The following RPH3A variants were observed in gnomAD, a reference collection of about 807,000 sequenced individuals.
RPH3A encodes the protein rabphilin 3A.
Under a neutral mutation model 102.2 loss-of-function variants are expected in RPH3A, and 48 were observed. The observed-to-expected ratio is 0.47, with a 90% CI of 0.37 to 0.60. The LOEUF is 0.60. Ranked by LOEUF, RPH3A falls within the 20% of genes least tolerant of loss-of-function variation. RPH3A has a pLI of 0.00. For missense variants in RPH3A, 781 were observed against 910.1 expected (o/e 0.86, Z 1.83); for synonymous variants, 310 against 324.3 (o/e 0.96, Z 0.47).
At chr12:112,676,194 C>G (rs1333873299) in intron 1 of RPH3A, among the ~76,000 whole-genome samples, 1 of 152,020 alleles carries the variant, frequency 6.6e-6, no homozygotes, top group Non-Finnish European at 1.5e-5. Flanking sequence ...CAAAGGAGCC[C>G]AGGCAACACC....
At chr12:112,862,241 C>T (rs1424091566) in intron 5 of RPH3A, among the ~76,000 whole-genome samples, 1 of 148,926 alleles carries the variant, frequency 6.7e-6, no homozygotes, top group Non-Finnish European at 1.5e-5. Flanking sequence ...CTCAGTCCCC[C>T]CCCCAAAAAA....
intron 1 of RPH3A, among the ~76,000 whole-genome samples, chr12:112,674,159 G>A (rs972243682): frequency 2.6e-5 from 4 of 152,194 alleles, no homozygotes; most frequent in Admixed American, 1.3e-4. Context: ...CTGGTCACAA[G>A]CAATGCTCCT....
intron 1 of RPH3A, among the ~76,000 whole-genome samples, chr12:112,693,159 T>A (rs546683430): frequency 6.6e-6 from 1 of 152,360 alleles, no homozygotes; most frequent in South Asian, 2.1e-4. Flanking sequence ...TGTCCAGGGA[T>A]CAGCATTTGA....
intron 10 of RPH3A, among the ~76,000 whole-genome samples, chr12:112,872,842 C>T (rs1055082575): frequency 4.6e-5 from 7 of 152,114 alleles, no homozygotes; most frequent in Non-Finnish European, 7.3e-5. Context: ...TGTAAATATT[C>T]GTCTTGTCTA....
chr12:112,696,980 G>T (rs1480187151), intron 1 of RPH3A, among the ~76,000 whole-genome samples: 2 of 151,506 alleles, frequency 1.3e-5, no homozygotes, highest in Non-Finnish European at 2.9e-5. Context: ...TACTATTTAA[G>T]ATTTTTAAAA....
rs146642872 is a variant in RPH3A at position 112,738,040 on chromosome 12, C to A, written c.-139-54103C>A. Among the ~76,000 whole-genome samples the A allele has an allele frequency of 1.8e-3, 269 of 152,272 alleles. 1 individual carries two copies. Among genetic ancestry groups the A allele is most frequent in the African/African-American group, 5.7e-3 (238 of 41,566 alleles). On this transcript the variant is annotated intron_variant, in intron 1 of 21. Transcript: ENST00000543106. ...CCTCTGAGACTTTGGAGAAGTCCTT[C>A]CTGGTTTCTTTCAGCTTCTTTTGGT...
intron 2 of RPH3A, 31 bp from the exon 3 acceptor site, chr12:112,828,270 G>T (rs2041913073): frequency 2.1e-6 from 3 of 1,460,362 alleles, no homozygotes; most frequent in East Asian, 2.3e-5. Context: ...GAATGATGGG[G>T]TGATGTCCTC....
intron 1 of RPH3A, among the ~76,000 whole-genome samples, chr12:112,722,159 T>C (rs896212326): frequency 2.6e-5 from 4 of 152,236 alleles, no homozygotes; most frequent in African/African-American, 9.6e-5. Context: ...GGAGAGCTTT[T>C]GCTCATTAGG....
At chr12:112,656,561 C>G (rs2040012796) in intron 1 of RPH3A, among the ~76,000 whole-genome samples, 1 of 152,120 alleles carries the variant, frequency 6.6e-6, no homozygotes, top group African/African-American at 2.4e-5. Context: ...TTTCAATACT[C>G]AATCCCTTCC....
At chr12:112,673,997 G>A (rs543864327) in intron 1 of RPH3A, among the ~76,000 whole-genome samples, 1 of 152,156 alleles carries the variant, frequency 6.6e-6, no homozygotes. Context: ...GGTTTCAAGC[G>A]ATCCTCCCAC....
At chr12:112,692,414 T>C (rs552363609) in intron 1 of RPH3A, among the ~76,000 whole-genome samples, 29 of 152,344 alleles carry the variant, frequency 1.9e-4, no homozygotes, top group Admixed American at 9.1e-4. Context: ...ATCAGCATTA[T>C]ATATCCCGTA....
chr12:112,628,728 C>A (rs894568330), intron 1 of RPH3A, among the ~76,000 whole-genome samples: 11 of 151,408 alleles, frequency 7.3e-5, no homozygotes, highest in Non-Finnish European at 1.6e-4. Flanking sequence ...CAGAGTGAGA[C>A]CCCATCTCTG....
chr12:112,712,981 TTCGTCGTCTTTG>T (rs1565857023), intron 1 of RPH3A, among the ~76,000 whole-genome samples: 1 of 112,838 alleles, frequency 8.9e-6, no homozygotes, highest in African/African-American at 2.9e-5. Context: ...TTCTTTCTTC[TTCGTCGTCTTTG>T]TCTTCCTCTT....
chr12:112,677,425 CCTTCCTTCCTTCCTTCCTTCCTTCCT>C (rs1566254490), intron 1 of RPH3A, among the ~76,000 whole-genome samples: 8 of 85,440 alleles, frequency 9.4e-5, no homozygotes, highest in Admixed American at 3.7e-4. Flanking sequence ...CTCCTTCCTT[CCTTCCTTCCTTCCTTCCTTCCTTCCT>C]TCCTTCCTTC....
rs35742758 is a variant in RPH3A, at chr12:112,752,594, CTT to C, written c.-139-39533_-139-39532del. Among the ~76,000 whole-genome samples the C allele has an allele frequency of 8.3e-3, 1,031 of 124,924 alleles. 8 individuals carry two copies. Among genetic ancestry groups the C allele is most frequent in the East Asian group, 0.023 (100 of 4,368 alleles). The allele number at this position is 124,924 out of a possible 152,430, so 82.0% of individuals were successfully genotyped here. A position where few individuals can be genotyped will look rare whatever the true frequency, so the allele number is the denominator to read the frequency against. ...TATTACGTTATATGAGCAGGCAAGT[CTT>C]TTTTTTTTTTTTTTTGAGAAGGCAA... On this transcript the variant is annotated intron_variant, in intron 1 of 21. Transcript: ENST00000543106.
chr12:112,893,798 A>C (rs1318627763), intron 19 of RPH3A: 1 of 152,280 alleles, frequency 6.6e-6, no homozygotes, highest in African/African-American at 2.4e-5. Flanking sequence ...TAAAGTGCAG[A>C]GATTACAGGC....
chr12:112,890,444 G>A (rs1484123413), intron 18 of RPH3A, among the ~76,000 whole-genome samples: 1 of 152,192 alleles, frequency 6.6e-6, no homozygotes, highest in African/African-American at 2.4e-5. Context: ...CTGTCTGCCT[G>A]GGTCCCTCAT....
At chr12:112,717,523 A>G (rs1020092556) in intron 1 of RPH3A, among the ~76,000 whole-genome samples, 1 of 151,870 alleles carries the variant, frequency 6.6e-6, no homozygotes, top group Non-Finnish European at 1.5e-5. Flanking sequence ...GGCTTCTTTC[A>G]TTTTGCATAA....
chr12:112,720,161 C>T (rs1390068464), intron 1 of RPH3A, among the ~76,000 whole-genome samples: 1 of 152,150 alleles, frequency 6.6e-6, no homozygotes, highest in Non-Finnish European at 1.5e-5. Flanking sequence ...GCAGTGAGAC[C>T]CTTGTGTGTG....
Sources: allele counts gnomAD v4.1 joint callset (sites outside exome capture counted in the v4.1 genomes callset), GRCh38; gene constraint gnomAD v4.1.1; transcripts MANE v1.5; gene names NCBI Gene and HGNC (gene_info 2026-07-23, HGNC 2026-07-21).